The following SNX16 variants were observed in gnomAD, a reference collection of about 807,000 sequenced individuals.
SNX16 encodes sorting nexin-16.
In SNX16, 35 loss-of-function variants were observed where a neutral mutation model predicts 36.7. That is an observed-to-expected ratio of 0.95 (90% CI 0.73 to 1.27). The LOEUF (loss-of-function observed/expected upper bound fraction) is 1.27. SNX16 is among the 50% of genes most tolerant of loss of function. The pLI, the probability that SNX16 is intolerant of heterozygous loss-of-function variation, is 0.00. For missense variants in SNX16, 367 were observed against 393.6 expected (o/e 0.93, Z 0.57); for synonymous variants, 134 against 132.0 (o/e 1.02, Z -0.10).
At chr8:81,820,620 T>TA (rs763943533) in intron 4 of SNX16, among the ~76,000 whole-genome samples, 5,171 of 152,088 alleles carry the variant, frequency 0.034, 144 homozygotes, top group Non-Finnish European at 0.052. Flanking sequence ...TTCTGACTTA[T>TA]ATCCATTTTC....
intron 5 of SNX16, 33 bp from the exon 6 acceptor site, chr8:81,803,261 T>G: frequency 6.4e-7 from 1 of 1,572,980 alleles, no homozygotes; most frequent in Non-Finnish European, 8.6e-7. Context: ...ACTAAACACA[T>G]GCAGAAAAAG....
chr8:81,825,595 T>C (rs983294133), intron 3 of SNX16, among the ~76,000 whole-genome samples: 5 of 152,218 alleles, frequency 3.3e-5, no homozygotes, highest in African/African-American at 1.2e-4. Context: ...GCATCTTTAA[T>C]GTCTAGCATA....
chr8:81,841,142 G>T lies in SNX16; in HGVS notation c.-97+980C>A, dbSNP rs190625552. Reference sequence around the variant, plus strand: ...GATCGCCTGAGGTCAGGAGTTCGAGGCTAGCCTGGCCAACATGGTGAAACC... The same window carrying T: ...GATCGCCTGAGGTCAGGAGTTCGAGTCTAGCCTGGCCAACATGGTGAAACC... On this transcript the variant is annotated intron_variant, in intron 1 of 7. Transcript: ENST00000345957. Among the ~76,000 whole-genome samples the T allele has an allele frequency of 1.2e-3, 181 of 152,148 alleles. 1 individual carries two copies. The highest frequency in any genetic ancestry group is 3.2e-4 in the Non-Finnish European group (22 of 67,980).
At chr8:81,824,230 T>G (rs934195024) in intron 3 of SNX16, among the ~76,000 whole-genome samples, 2 of 152,196 alleles carry the variant, frequency 1.3e-5, no homozygotes, top group Non-Finnish European at 2.9e-5. Context: ...TAATTTGCAT[T>G]TCTTTGCTGA....
chr8:81,804,460 A>G (rs1809845346), intron 5 of SNX16, among the ~76,000 whole-genome samples: 1 of 152,060 alleles, frequency 6.6e-6, no homozygotes, highest in South Asian at 2.1e-4. Flanking sequence ...ACATATGACC[A>G]TTAAATAAAA....
At chr8:81,816,445 C>G (rs1477641012) in intron 4 of SNX16, among the ~76,000 whole-genome samples, 1 of 151,938 alleles carries the variant, frequency 6.6e-6, no homozygotes, top group Admixed American at 6.6e-5. Context: ...CCGCCTCAGC[C>G]TTCCAAAGTG....
At chr8:81,841,044 A>C (rs1479236478) in intron 1 of SNX16, among the ~76,000 whole-genome samples, 1 of 152,212 alleles carries the variant, frequency 6.6e-6, no homozygotes, top group Non-Finnish European at 1.5e-5. Context: ...TGCTGAAATA[A>C]GATTTTTAAC....
intron 4 of SNX16, among the ~76,000 whole-genome samples, chr8:81,816,182 T>TTTTTC (rs754292765): frequency 1.4e-4 from 11 of 79,950 alleles, no homozygotes; most frequent in Admixed American, 4.2e-4. Flanking sequence ...AAGGATTTTC[T>TTTTTC]TTTTTTTTTT....
intron 3 of SNX16, among the ~76,000 whole-genome samples, chr8:81,827,255 C>G (rs553568388): frequency 6.6e-6 from 1 of 152,030 alleles, no homozygotes; most frequent in South Asian, 2.1e-4. Flanking sequence ...AAGATGAAAT[C>G]TAAAGAGATA....
intron 2 of SNX16, among the ~76,000 whole-genome samples, chr8:81,836,159 A>G (rs369207798): frequency 2.6e-5 from 4 of 152,282 alleles, no homozygotes. Context: ...TTCCTTCCCA[A>G]TTCTACTCAC....
intron 3 of SNX16, among the ~76,000 whole-genome samples, chr8:81,824,912 G>A (rs887666390): frequency 6.6e-6 from 1 of 152,130 alleles, no homozygotes; most frequent in African/African-American, 2.4e-5. Flanking sequence ...ACTGTCTGAA[G>A]TTCACTCACT....
intron 4 of SNX16, 112 bp from the exon 5 acceptor site, chr8:81,815,506 T>C: frequency 1.5e-6 from 1 of 668,396 alleles, no homozygotes; most frequent in Non-Finnish European, 2.5e-6. Flanking sequence ...TGGTTATGTG[T>C]TTTCATACAA....
chr8:81,828,765 T>C (rs76810608), intron 3 of SNX16, among the ~76,000 whole-genome samples: 3,154 of 152,276 alleles, frequency 0.021, 107 homozygotes, highest in African/African-American at 0.072. Context: ...AGCTTCAAAG[T>C]ACAGGAAGAA....
chr8:81,836,056 T>G (rs1185169295), intron 2 of SNX16, among the ~76,000 whole-genome samples: 1 of 152,134 alleles, frequency 6.6e-6, no homozygotes, highest in Non-Finnish European at 1.5e-5. Flanking sequence ...CCACAACACA[T>G]GGGAATTAAA....
intron 3 of SNX16, among the ~76,000 whole-genome samples, chr8:81,824,524 T>TGG (rs1165521881): frequency 2.0e-5 from 3 of 151,822 alleles, no homozygotes; most frequent in African/African-American, 7.3e-5. Flanking sequence ...TTATGCTTTT[T>TGG]TTTAGATCAT....
intron 1 of SNX16, among the ~76,000 whole-genome samples, chr8:81,841,202 A>G (rs1811750352): frequency 6.6e-6 from 1 of 152,104 alleles, no homozygotes; most frequent in African/African-American, 2.4e-5. Context: ...TTAGCCGGGC[A>G]TGGTGGCGCA....
At chr8:81,807,518 C>CAA (rs71268027) in intron 5 of SNX16, among the ~76,000 whole-genome samples, 549 of 49,312 alleles carry the variant, frequency 0.011, 79 homozygotes, top group East Asian at 0.039. Context: ...GACTCTGTCT[C>CAA]AAAAAAAAAA....
chr8:81,809,176 C>A (rs1195060782), intron 5 of SNX16, among the ~76,000 whole-genome samples: 22 of 152,118 alleles, frequency 1.4e-4, no homozygotes, highest in Admixed American at 1.4e-3. Context: ...TTGGAATTTA[C>A]ATACAACCTG....
intron 4 of SNX16, among the ~76,000 whole-genome samples, chr8:81,816,470 A>T (rs948379626): frequency 6.6e-6 from 1 of 151,774 alleles, no homozygotes; most frequent in Non-Finnish European, 1.5e-5. Context: ...GATTACAGGC[A>T]CGAACCACCG....
Sources: gnomAD v4.1 joint callset for allele counts (sites outside exome capture counted in the v4.1 genomes callset) on GRCh38, gnomAD v4.1.1 for gene constraint, MANE v1.5 for transcripts, NCBI Gene and HGNC (gene_info 2026-07-23, HGNC 2026-07-21) for gene names.